Variants in PRKCE observed in about 807,000 individuals in gnomAD.
PRKCE encodes protein kinase C epsilon type.
Under a neutral mutation model 85.4 loss-of-function variants are expected in PRKCE, and 16 were observed. The observed-to-expected ratio is 0.19, with a 90% CI of 0.13 to 0.28. PRKCE has a LOEUF of 0.28. PRKCE is among the 10% of genes least tolerant of loss of function. PRKCE has a pLI of 1.00. For missense variants in PRKCE, 573 were observed against 975.2 expected, an observed-to-expected ratio of 0.59 and a Z score of 5.49; for synonymous variants, 388 against 371.5, an observed-to-expected ratio of 1.04 and a Z score of -0.51.
At chr2:45,875,587 A>G (rs1209357366) in intron 2 of PRKCE, among the ~76,000 whole-genome samples, 1 of 152,164 alleles carries the variant, frequency 6.6e-6, no homozygotes, top group Non-Finnish European at 1.5e-5. Context: ...TAGAAGAGGG[A>G]TTGAGTTTTT....
chr2:45,761,326 C>CAAAAAAAAAAAAAAAAAAAAAAAAAAAAA (rs370710295), intron 1 of PRKCE, among the ~76,000 whole-genome samples: 1 of 82,248 alleles, frequency 1.2e-5, no homozygotes, highest in Non-Finnish European at 2.2e-5. Context: ...GACTCCATCT[C>CAAAAAAAAAAAAAAAAAAAAAAAAAAAAA]AAAAAAAAAA....
chr2:45,653,370 GTTTTT>G (rs34888247), intron 1 of PRKCE, among the ~76,000 whole-genome samples: 2,895 of 61,522 alleles, frequency 0.047, 27 homozygotes, highest in Non-Finnish European at 0.063. Context: ...TTTTTGGGTT[GTTTTT>G]TTTTTTTTTT....
At chr2:45,959,404 T>C (rs1452868954) in intron 2 of PRKCE, among the ~76,000 whole-genome samples, 2 of 152,218 alleles carry the variant, frequency 1.3e-5, no homozygotes, top group Non-Finnish European at 1.5e-5. Context: ...CACAGATGCA[T>C]GAGAGTTGAA....
At chr2:45,938,388 T>C (rs1266817465) in intron 2 of PRKCE, among the ~76,000 whole-genome samples, 6 of 152,108 alleles carry the variant, frequency 3.9e-5, no homozygotes, top group African/African-American at 9.7e-5. Context: ...AGTGACACTA[T>C]ACATAATTAC....
intron 10 of PRKCE, among the ~76,000 whole-genome samples, chr2:46,018,450 A>G (rs1706355200): frequency 6.6e-6 from 1 of 152,170 alleles, no homozygotes; most frequent in Admixed American, 6.5e-5. Flanking sequence ...AGCCTGGGCC[A>G]CAGAGTGAAA....
chr2:45,855,837 G>A (rs888645400), intron 2 of PRKCE, among the ~76,000 whole-genome samples: 1 of 152,064 alleles, frequency 6.6e-6, no homozygotes, highest in Admixed American at 6.5e-5. Context: ...CCATAAATGG[G>A]CTGAACAATG....
chr2:46,126,585 T>C (rs1673883843), intron 11 of PRKCE, among the ~76,000 whole-genome samples: 2 of 152,238 alleles, frequency 1.3e-5, no homozygotes, highest in Admixed American at 1.3e-4. Context: ...ATAGCTTTTA[T>C]TTGATATTTA....
chr2:46,140,998 G>A (rs1416559089), intron 11 of PRKCE, among the ~76,000 whole-genome samples: 4 of 152,146 alleles, frequency 2.6e-5, no homozygotes, highest in Admixed American at 6.5e-5. Context: ...AATATACCAT[G>A]TTGGGAAAGA....
intron 1 of PRKCE, among the ~76,000 whole-genome samples, chr2:45,794,845 ACCC>A (rs33982229): frequency 2.4e-5 from 3 of 122,572 alleles, no homozygotes; most frequent in African/African-American, 8.9e-5. Flanking sequence ...TTATTGCCCT[ACCC>A]CCCCCCCCAT....
In PRKCE at chr2:46,159,731, G is replaced by A. The variant is rs747627500; in HGVS notation, c.2046G>A (p.Lys682=). Residue 682 remains lysine (K), a synonymous_variant, in exon 14 of 15, where the codon AAG becomes AAA. Transcript: ENST00000306156. This position sits in a 1 kb window ranked among gnomAD's most constrained non-coding sequence, Gnocchi z 4.1. The part of the protein sequence containing the change: ...DWVLLEQKKI[K]PPFKPRIKTK... ...TGCTCCTGGAGCAGAAGAAGATCAA[G>A]CCACCCTTCAAACCACGCATTGTAA... 2 of 1,599,252 alleles carry A rather than the reference G, an allele frequency of 1.3e-6. No homozygotes were observed. Among genetic ancestry groups the A allele is most frequent in the Non-Finnish European group, 8.5e-7 (1 of 1,179,796 alleles).
Position 46,187,178 on chromosome 2 carries a change from C to T in PRKCE, c.*2297C>T, listed in dbSNP as rs994222366. 3 of 152,656 alleles carry T rather than the reference C, an allele frequency of 2.0e-5. No homozygotes were observed. Among genetic ancestry groups the T allele is most frequent in the Admixed American group, 6.5e-5 (1 of 15,290 alleles). The allele number at this position is 152,656 out of a possible 1,614,324, so 9.5% of individuals were successfully genotyped here. A position where few individuals can be genotyped will look rare whatever the true frequency, so the allele number is the denominator to read the frequency against. ...TTTGGACAACCAAGCAAGCTCTAACCGCAATGCCAGATGGCCTTGTCCGAG... is the reference window on the plus strand; with the variant it reads ...TTTGGACAACCAAGCAAGCTCTAACTGCAATGCCAGATGGCCTTGTCCGAG... On this transcript the variant is annotated 3_prime_UTR_variant, in exon 15 of 15. Coordinates refer to ENST00000306156, the MANE Select transcript of PRKCE (RefSeq NM_005400.3).
In PRKCE at chr2:45,719,905, G is replaced by A. The variant is rs190644472; in HGVS notation, c.348+67457G>A. On this transcript the variant is annotated intron_variant, in intron 1 of 14. Transcript: ENST00000306156. Reference sequence around the variant, plus strand: ...TAGCCACTGCACCTAGTCTGGGTGAGAGAAAAAGACCCTGTCTCCTAAAAA... The same window carrying A: ...TAGCCACTGCACCTAGTCTGGGTGAAAGAAAAAGACCCTGTCTCCTAAAAA... 2.0e-5 allele frequency among the ~76,000 whole-genome samples: 3 copies of A among 152,176 alleles called. No homozygotes were observed. In the East Asian group the frequency reaches 5.8e-4, roughly 29 times the overall value.
intron 5 of PRKCE, among the ~76,000 whole-genome samples, chr2:45,984,072 G>T (rs1703116824): frequency 6.6e-6 from 1 of 151,764 alleles, no homozygotes; most frequent in Non-Finnish European, 1.5e-5. Flanking sequence ...CGAGTAGCTG[G>T]GATTACAGGC....
intron 2 of PRKCE, among the ~76,000 whole-genome samples, chr2:45,916,240 A>ATTTT (rs748796035): frequency 1.4e-5 from 2 of 141,856 alleles, no homozygotes; most frequent in African/African-American, 2.6e-5. Flanking sequence ...GCACTGAGAA[A>ATTTT]TTTTTTTTTT....
intron 1 of PRKCE, among the ~76,000 whole-genome samples, chr2:45,812,713 C>A (rs1688738176): frequency 6.6e-6 from 1 of 152,140 alleles, no homozygotes; most frequent in Non-Finnish European, 1.5e-5. Flanking sequence ...TAGGTTAGGA[C>A]CCTTAAATGT....
chr2:45,727,220 T>C (rs1681150213), intron 1 of PRKCE, among the ~76,000 whole-genome samples: 1 of 152,222 alleles, frequency 6.6e-6, no homozygotes, highest in Admixed American at 6.5e-5. Flanking sequence ...ACAGCTTACC[T>C]ACCTCTTAAG....
intron 14 of PRKCE, among the ~76,000 whole-genome samples, chr2:46,164,194 A>C (rs372397044): frequency 2.9e-4 from 44 of 152,346 alleles, no homozygotes; most frequent in African/African-American, 9.9e-4. Flanking sequence ...CTGGATCACA[A>C]GCAGCCAGGG....
intron 1 of PRKCE, among the ~76,000 whole-genome samples, chr2:45,768,586 A>G (rs1685086982): frequency 6.6e-6 from 1 of 152,154 alleles, no homozygotes; most frequent in Non-Finnish European, 1.5e-5. Context: ...CTGGGAGATG[A>G]TGCTAGGTGC....
chr2:46,082,154 G>T (rs190827735), intron 10 of PRKCE, among the ~76,000 whole-genome samples: 25 of 152,164 alleles, frequency 1.6e-4, no homozygotes, highest in African/African-American at 6.0e-4. Flanking sequence ...TTCTGTTTCG[G>T]CAAGGTCCCT....
Sources: gnomAD v4.1 joint callset for allele counts (sites outside exome capture counted in the v4.1 genomes callset) on GRCh38, gnomAD v4.1.1 for gene constraint, Gnocchi (gnomAD v3.1) non-coding constraint, MANE v1.5 for transcripts, NCBI Gene and HGNC (gene_info 2026-07-23, HGNC 2026-07-21) for gene names.